The following PCDH17 variants were observed in gnomAD, a reference collection of about 807,000 sequenced individuals.
PCDH17 encodes the protein protocadherin 17.
In PCDH17, 21 loss-of-function variants were observed where a neutral mutation model predicts 67.7. That is an observed-to-expected ratio of 0.31 (90% CI 0.22 to 0.45). PCDH17 has a LOEUF of 0.45. PCDH17 is among the 20% of genes least tolerant of loss of function. PCDH17 has a pLI of 1.00. For missense variants in PCDH17, 1,471 were observed against 1,564.8 expected, an observed-to-expected ratio of 0.94 and a Z score of 1.01; for synonymous variants, 701 against 656.7, an observed-to-expected ratio of 1.07 and a Z score of -1.03.
chr13:57,644,379 T>C (rs1344002843), intron 1 of PCDH17, among the ~76,000 whole-genome samples: 1 of 151,710 alleles, frequency 6.6e-6, no homozygotes, highest in Non-Finnish European at 1.5e-5. Context: ...AATACATTTA[T>C]AGAGACTTTT....
chr13:57,652,201 C>G (rs1267703492), intron 1 of PCDH17, among the ~76,000 whole-genome samples: 1 of 147,814 alleles, frequency 6.8e-6, no homozygotes, highest in Non-Finnish European at 1.5e-5. Context: ...TGGCGTGAAC[C>G]CGGGAAGCGG....
At chr13:57,650,188 T>A (rs1427017610) in intron 1 of PCDH17, among the ~76,000 whole-genome samples, 1 of 151,312 alleles carries the variant, frequency 6.6e-6, no homozygotes, top group Non-Finnish European at 1.5e-5. Flanking sequence ...CCAGATGAGA[T>A]GTAAATATTT....
At chr13:57,702,050 T>C (rs1016716128) in intron 3 of PCDH17, among the ~76,000 whole-genome samples, 2 of 151,936 alleles carry the variant, frequency 1.3e-5, no homozygotes, top group Non-Finnish European at 2.9e-5. Context: ...CCCGAGTAGC[T>C]GGGATTACAG....
At chr13:57,686,826 C>T (rs1283770607) in intron 3 of PCDH17, among the ~76,000 whole-genome samples, 1 of 151,872 alleles carries the variant, frequency 6.6e-6, no homozygotes, top group Non-Finnish European at 1.5e-5. Context: ...GAAATATGGC[C>T]TATGATTAAA....
intron 3 of PCDH17, among the ~76,000 whole-genome samples, chr13:57,694,222 T>C (rs1955585828): frequency 6.6e-6 from 1 of 151,206 alleles, no homozygotes; most frequent in South Asian, 2.1e-4. Context: ...AAGATGTTTG[T>C]TGTTAAAAAA....
chr13:57,698,694 G>A (rs545891827), intron 3 of PCDH17, among the ~76,000 whole-genome samples: 7 of 151,940 alleles, frequency 4.6e-5, no homozygotes, highest in African/African-American at 1.4e-4. Context: ...TCACTCTGAA[G>A]CTGATTCATT....
Position 57,634,817 on chromosome 13 carries a change from C to T in PCDH17, c.2271C>T (p.Gly757=), listed in dbSNP as rs752020629. ...YSHPQLGGGK[G]KKKKINKNDI... ...ACCCGCAGCTGGGTGGGGGCAAGGG[C>T]AAGAAGAAGAAGATCAACAAAAATG... is the stretch of plus-strand genomic sequence containing the variant. Residue 757 remains glycine (G), a synonymous_variant, in exon 1 of 4, where the codon GGC becomes GGT. Coordinates refer to ENST00000377918, the MANE Select transcript of PCDH17 (RefSeq NM_001040429.3). This position sits in a 1 kb window ranked among gnomAD's most constrained non-coding sequence, Gnocchi z 7.8. 1 of 1,613,972 alleles carries T rather than the reference C, an allele frequency of 6.2e-7. No homozygotes were observed. Among genetic ancestry groups the T allele is most frequent in the South Asian group, 1.1e-5 (1 of 91,068 alleles).
intron 3 of PCDH17, among the ~76,000 whole-genome samples, chr13:57,672,282 G>A (rs1377489202): frequency 6.6e-6 from 1 of 151,864 alleles, no homozygotes; most frequent in Non-Finnish European, 1.5e-5. Flanking sequence ...CTTTAAGTTA[G>A]TATTTGAATT....
intron 1 of PCDH17, among the ~76,000 whole-genome samples, chr13:57,658,764 G>GTTTTGTTTTGT (rs112439329): frequency 3.3e-5 from 5 of 150,006 alleles, no homozygotes; most frequent in African/African-American, 1.0e-4. Flanking sequence ...TTTTTCGTTT[G>GTTTTGTTTTGT]TTTGTTTTGT....
rs67398023 is a variant in PCDH17 at position 57,650,218 on chromosome 13, T to TTGTGTGTGTGTGTG, written c.2565+15137_2565+15150dup. 5.1e-3 allele frequency among the ~76,000 whole-genome samples: 706 copies of TTGTGTGTGTGTGTG among 137,550 alleles called. 5 individuals carry two copies. The highest frequency in any genetic ancestry group is 8.9e-3 in the Admixed American group (121 of 13,630). The allele number at this position is 137,550 out of a possible 152,430, so 90.2% of individuals were successfully genotyped here. On this transcript the variant is annotated intron_variant, in intron 1 of 3. Coordinates refer to ENST00000377918, the MANE Select transcript of PCDH17 (RefSeq NM_001040429.3). ...ATATTTGAGATTTCTGGACCCTTGA[T>TTGTGTGTGTGTGTG]TGTGTGTGTGTGTGTGTGTGTGTGT... is the stretch of plus-strand genomic sequence containing the variant.
At chr13:57,693,336 A>ATATATATATG (rs1386034197) in intron 3 of PCDH17, among the ~76,000 whole-genome samples, 1 of 142,034 alleles carries the variant, frequency 7.0e-6, no homozygotes, top group Non-Finnish European at 1.6e-5. Context: ...ATATATATAT[A>ATATATATATG]TATATATATC....
chr13:57,630,371 C>T (rs1024347266), upstream of PCDH17, among the ~76,000 whole-genome samples: 4 of 150,824 alleles, frequency 2.7e-5, no homozygotes, highest in Non-Finnish European at 5.9e-5. Context: ...AAAAAAACCT[C>T]CACAACAGAC....
chr13:57,681,882 A>C (rs1475513027), intron 3 of PCDH17, among the ~76,000 whole-genome samples: 1 of 151,800 alleles, frequency 6.6e-6, no homozygotes, highest in Non-Finnish European at 1.5e-5. Context: ...TATGTTTAGA[A>C]CTATCTCAGA....
chr13:57,635,308 T>C (rs566831540), intron 1 of PCDH17, among the ~76,000 whole-genome samples, 197 bp downstream of exon 1: 2 of 152,238 alleles, frequency 1.3e-5, no homozygotes, highest in Admixed American at 6.5e-5. Context: ...TAGTCTAAAC[T>C]CTACCAAACG....
At chr13:57,668,678 T>C (rs545262961) in intron 3 of PCDH17, among the ~76,000 whole-genome samples, 1 of 152,066 alleles carries the variant, frequency 6.6e-6, no homozygotes, top group Non-Finnish European at 1.5e-5. Flanking sequence ...ATGGCATAAA[T>C]TTTAAATAAT....
intron 3 of PCDH17, among the ~76,000 whole-genome samples, chr13:57,693,551 T>G (rs1184104855): frequency 2.7e-5 from 4 of 150,056 alleles, no homozygotes; most frequent in Admixed American, 1.3e-4. Flanking sequence ...ATACAATTTC[T>G]TAAGTTCCTT....
intron 3 of PCDH17, among the ~76,000 whole-genome samples, chr13:57,669,153 C>G (rs1238379821): frequency 6.6e-6 from 1 of 151,938 alleles, no homozygotes; most frequent in Non-Finnish European, 1.5e-5. Flanking sequence ...ATCCATGTCC[C>G]TACATTTTTT....
intron 3 of PCDH17, among the ~76,000 whole-genome samples, chr13:57,689,645 T>C (rs1955538782): frequency 6.6e-6 from 1 of 151,978 alleles, no homozygotes; most frequent in African/African-American, 2.4e-5. Context: ...TTTGAGTGTA[T>C]TTTTCTGTAT....
upstream of PCDH17, among the ~76,000 whole-genome samples, chr13:57,630,462 G>T (rs1432442072): frequency 1.3e-5 from 2 of 151,982 alleles, no homozygotes; most frequent in East Asian, 3.9e-4. Context: ...ATGATGCGAG[G>T]CTAAGCTGGG....
Sources: gnomAD v4.1 joint callset for allele counts (sites outside exome capture counted in the v4.1 genomes callset) on GRCh38, gnomAD v4.1.1 for gene constraint, Gnocchi (gnomAD v3.1) non-coding constraint, MANE v1.5 for transcripts, NCBI Gene and HGNC (gene_info 2026-07-23, HGNC 2026-07-21) for gene names.